Variants in PANK1 observed in about 807,000 individuals in gnomAD.
PANK1 encodes pantothenate kinase 1, also known as pantothenic acid kinase 1.
Under a neutral mutation model 40.1 loss-of-function variants are expected in PANK1, and 18 were observed. The ratio of observed to expected loss-of-function variants is 0.45; its 90% CI spans 0.31 to 0.67. PANK1 has a LOEUF of 0.67. Ranked by LOEUF, PANK1 falls within the 30% of genes least tolerant of loss-of-function variation. The pLI is 0.06. For missense variants in PANK1, 457 were observed against 599.6 expected, an observed-to-expected ratio of 0.76 and a Z score of 2.48; for synonymous variants, 242 against 237.7, an observed-to-expected ratio of 1.02 and a Z score of -0.17.
intron 1 of PANK1, among the ~76,000 whole-genome samples, chr10:89,620,677 C>T (rs1007307805): frequency 4.6e-5 from 7 of 152,178 alleles, no homozygotes; most frequent in African/African-American, 1.4e-4. Flanking sequence ...TCTTTTATTG[C>T]CCTTTCAAGC....
chr10:89,618,475 T>C (rs774710320), intron 1 of PANK1, among the ~76,000 whole-genome samples: 16 of 152,202 alleles, frequency 1.1e-4, no homozygotes, highest in Non-Finnish European at 1.9e-4. Context: ...CTGTGCTGGG[T>C]GAGACTTTGG....
intron 1 of PANK1, chr10:89,639,364 A>C (rs568493166): frequency 3.5e-5 from 10 of 288,770 alleles, no homozygotes; most frequent in Non-Finnish European, 7.4e-5. Flanking sequence ...ACCTTCTAAC[A>C]CTGTTGCATT....
chr10:89,627,231 GAA>G (rs34086662), intron 1 of PANK1, among the ~76,000 whole-genome samples: 2 of 136,760 alleles, frequency 1.5e-5, no homozygotes, highest in South Asian at 2.2e-4. Flanking sequence ...GAAAATATTT[GAA>G]AAAAAAAAAA....
intron 2 of PANK1, among the ~76,000 whole-genome samples, chr10:89,609,628 C>G (rs915992433): frequency 3.3e-5 from 5 of 152,220 alleles, no homozygotes; most frequent in Non-Finnish European, 5.9e-5. Context: ...GGCTGAGACT[C>G]AGCCTGGATA....
downstream of PANK1, chr10:89,580,452 C>G (rs937198770): frequency 3.3e-5 from 5 of 152,240 alleles, no homozygotes; most frequent in Non-Finnish European, 5.9e-5. Context: ...CTTCCTCTTT[C>G]TCACTACCTG....
chr10:89,587,793 T>A (rs1844248078), intron 6 of PANK1, among the ~76,000 whole-genome samples: 1 of 152,350 alleles, frequency 6.6e-6, no homozygotes, highest in East Asian at 1.9e-4. Flanking sequence ...TAAAACTTTT[T>A]AAAAATGTTA....
chr10:89,604,819 C>T (rs575656524), intron 2 of PANK1, among the ~76,000 whole-genome samples: 1 of 151,830 alleles, frequency 6.6e-6, no homozygotes, highest in Non-Finnish European at 1.5e-5. Flanking sequence ...GGCAGTATCT[C>T]GGCTCGCTGC....
At chr10:89,595,887 A>T (rs1564620274) in intron 3 of PANK1, among the ~76,000 whole-genome samples, 1 of 118,744 alleles carries the variant, frequency 8.4e-6, no homozygotes, top group Admixed American at 8.7e-5. Context: ...TTCATTTACT[A>T]ATATATATAT....
rs150996143 is a variant in PANK1, at chr10:89,636,379, C to A, written c.292+8221G>T. On this transcript the variant is annotated intron_variant, in intron 1 of 6. Coordinates refer to ENST00000307534, the MANE Select transcript of PANK1 (RefSeq NM_148977.3). ...TTTTTTTTGAGATGGAGTTGGAGTG[C>A]AGGTTGGCTTGCAGTGGCGCGATCT... Among the ~76,000 whole-genome samples, 483 of 151,792 alleles carry A rather than the reference C, an allele frequency of 3.2e-3. 4 individuals are homozygous for A. The highest frequency in any genetic ancestry group is 0.011 in the African/African-American group (449 of 41,434).
At chr10:89,592,207 A>G (rs1307894299) in intron 5 of PANK1, among the ~76,000 whole-genome samples, 2 of 152,162 alleles carry the variant, frequency 1.3e-5, no homozygotes, top group African/African-American at 4.8e-5. Flanking sequence ...CAGGCCAGTA[A>G]CATACTCTGT....
chr10:89,588,678 G>T lies in PANK1; in HGVS notation c.1300C>A (p.Leu434Met). 6.2e-7 allele frequency: 1 copy of T among 1,604,410 alleles called. No individual in the cohort carries two copies. The highest frequency in any genetic ancestry group is 8.5e-7 in the Non-Finnish European group (1 of 1,176,194). Residue 434 changes from leucine to methionine, a missense_variant, in exon 6 of 7, where the codon CTG becomes ATG. Leu to Met is a conservative substitution (Grantham distance 15). Transcript: ENST00000307534. ...YAMDFWSKGQ[L>M]KALFLEHEGY... ...TCATGTTCCAAAAACAGAGCTTTCA[G>T]TTGTCCTTTGGACCAAAAATCCATG...
chr10:89,608,068 G>T (rs1294216998), intron 2 of PANK1, among the ~76,000 whole-genome samples: 1 of 144,526 alleles, frequency 6.9e-6, no homozygotes, highest in South Asian at 2.2e-4. Context: ...GTCTGGCCTC[G>T]TCGCCCCGGC....
intron 1 of PANK1, among the ~76,000 whole-genome samples, chr10:89,620,602 A>T (rs941391202): frequency 6.6e-6 from 1 of 152,194 alleles, no homozygotes; most frequent in African/African-American, 2.4e-5. Context: ...AGGACATGGA[A>T]CCTCATCAGT....
At chr10:89,644,523 G>A in intron 1 of PANK1, 77 bp downstream of exon 1, 1 of 1,342,822 alleles carries the variant, frequency 7.4e-7, no homozygotes, top group East Asian at 2.7e-5. Context: ...TGCGGCGCCT[G>A]CCTCAGCCGC....
At chr10:89,614,042 A>C (rs1409968132) in intron 1 of PANK1, 2 of 456,524 alleles carry the variant, frequency 4.4e-6, no homozygotes, top group Admixed American at 2.4e-5. Context: ...AATACAAAAG[A>C]AAAATTGCAA....
At chr10:89,608,386 T>C (rs7077136) in intron 2 of PANK1, among the ~76,000 whole-genome samples, 82,963 of 151,720 alleles carry the variant, frequency 0.55, 23,550 homozygotes, top group South Asian at 0.63. Flanking sequence ...GGAGGGATGG[T>C]GGGAAGAAAA....
rs1378266764 is a variant in PANK1 at position 89,611,772 on chromosome 10, T to C, written c.569A>G (p.Lys190Arg). ...MHRFIQMGSE[K>R]NFSSLHTTLC... ...GGTGGTGTGAAGGCTAGAGAAGTTCTTCTCGCTGCCCATCTGAATGAACCT... is the reference window on the plus strand; with the variant it reads ...GGTGGTGTGAAGGCTAGAGAAGTTCCTCTCGCTGCCCATCTGAATGAACCT... Residue 190 changes from lysine (K) to arginine (R), a missense_variant, in exon 2 of 7, where the codon AAG becomes AGG. Lys to Arg is a conservative substitution (Grantham distance 26). Coordinates refer to ENST00000307534, the MANE Select transcript of PANK1 (RefSeq NM_148977.3). 2 of 1,614,128 alleles carry C rather than the reference T, an allele frequency of 1.2e-6. No homozygotes were observed. The highest frequency in any genetic ancestry group is 2.2e-5 in the South Asian group (2 of 91,090).
intron 1 of PANK1, among the ~76,000 whole-genome samples, chr10:89,643,439 T>G (rs977092827): frequency 1.3e-5 from 2 of 152,110 alleles, no homozygotes; most frequent in African/African-American, 4.8e-5. Flanking sequence ...ACCTACAAAT[T>G]TAACATTTCA....
intron 2 of PANK1, among the ~76,000 whole-genome samples, chr10:89,601,452 G>T (rs933624543): frequency 1.3e-5 from 2 of 151,668 alleles, no homozygotes; most frequent in African/African-American, 4.8e-5. Flanking sequence ...CTGCACTCCA[G>T]CCTGGACAAC....
Sources: allele counts gnomAD v4.1 joint callset (sites outside exome capture counted in the v4.1 genomes callset), GRCh38; gene constraint gnomAD v4.1.1; transcripts MANE v1.5; gene names NCBI Gene and HGNC (gene_info 2026-07-23, HGNC 2026-07-21).